SGIP1: variants seen among roughly 807,000 people sequenced by gnomAD.
SGIP1 encodes SH3-containing GRB2-like protein 3-interacting protein 1.
A neutral mutation model predicts 107.5 loss-of-function variants in SGIP1; 38 were observed. The observed-to-expected ratio is 0.35, with a 90% CI of 0.27 to 0.46. SGIP1 has a LOEUF of 0.46. SGIP1 is among the 20% of genes least tolerant of loss of function. The pLI, the probability that SGIP1 is intolerant of heterozygous loss-of-function variation, is 1.00. For synonymous variants in SGIP1, 365 were observed against 366.1 expected (o/e 1.00, Z 0.03); for missense variants, 929 against 1,019.5 (o/e 0.91, Z 1.21).
At chr1:66,707,772 G>A (rs1354460077) in intron 18 of SGIP1, among the ~76,000 whole-genome samples, 2 of 152,128 alleles carry the variant, frequency 1.3e-5, no homozygotes, top group East Asian at 3.9e-4. Context: ...TTTTAAGCCT[G>A]TAGATTAGTG....
intron 1 of SGIP1, among the ~76,000 whole-genome samples, chr1:66,543,694 G>C (rs11208904): frequency 6.6e-6 from 1 of 152,014 alleles, no homozygotes; most frequent in African/African-American, 2.4e-5. Context: ...AGTACAGTGT[G>C]GGGGGAAGGG....
intron 23 of SGIP1, among the ~76,000 whole-genome samples, 169 bp downstream of exon 23, chr1:66,740,891 C>A (rs1342776622): frequency 1.3e-5 from 2 of 152,190 alleles, no homozygotes; most frequent in Admixed American, 6.5e-5. Context: ...TCAATGAATT[C>A]TCTTTTTCCC....
At chr1:66,623,251 T>C (rs1026602800) in intron 1 of SGIP1, among the ~76,000 whole-genome samples, 2 of 152,156 alleles carry the variant, frequency 1.3e-5, no homozygotes, top group African/African-American at 4.8e-5. Flanking sequence ...TAAAAAGTTT[T>C]CAACCTTTTT....
At chr1:66,537,749 A>G (rs1424835245) in intron 1 of SGIP1, among the ~76,000 whole-genome samples, 1 of 152,116 alleles carries the variant, frequency 6.6e-6, no homozygotes, top group Admixed American at 6.5e-5. Flanking sequence ...TTTACTACTC[A>G]TAATAACCTG....
At chr1:66,740,381 G>GTATC (rs1423067365) in intron 22 of SGIP1, among the ~76,000 whole-genome samples, 2 of 152,030 alleles carry the variant, frequency 1.3e-5, no homozygotes, top group Non-Finnish European at 2.9e-5. Flanking sequence ...ATCTTCCCAT[G>GTATC]TATCTGTCTT....
chr1:66,630,904 A>AAGGAAAGAAAGAAGGAAAGAAGGGAGGG (rs1296769118), intron 2 of SGIP1, among the ~76,000 whole-genome samples: 2 of 9,290 alleles, frequency 2.2e-4, no homozygotes, highest in African/African-American at 6.4e-4. Flanking sequence ...AGAAAGAAAG[A>AAGGAAAGAAAGAAGGAAAGAAGGGAGGG]AGGGAGGGAG....
chr1:66,684,333 C>A, intron 15 of SGIP1: 1 of 1,250,762 alleles, frequency 8.0e-7, no homozygotes, highest in East Asian at 2.6e-5. Context: ...CAAAAGTCTT[C>A]TCTCAAAATG....
At chr1:66,565,549 C>T (rs1336193296) in intron 1 of SGIP1, among the ~76,000 whole-genome samples, 1 of 151,760 alleles carries the variant, frequency 6.6e-6, no homozygotes, top group African/African-American at 2.4e-5. Context: ...AACGATGAGG[C>T]AGTAAAAAAA....
intron 18 of SGIP1, among the ~76,000 whole-genome samples, chr1:66,715,473 G>C (rs186439582): frequency 6.6e-6 from 1 of 152,126 alleles, no homozygotes; most frequent in Admixed American, 6.6e-5. Flanking sequence ...GTTGTTGTTG[G>C]GGGGGCGTGG....
At chr1:66,686,303 A>G (rs993130611) in intron 15 of SGIP1, among the ~76,000 whole-genome samples, 1 of 152,192 alleles carries the variant, frequency 6.6e-6, no homozygotes, top group Non-Finnish European at 1.5e-5. Flanking sequence ...GGGGGTTGCC[A>G]AGCACATTGA....
At chr1:66,560,015 C>G (rs1407149170) in intron 1 of SGIP1, among the ~76,000 whole-genome samples, 1 of 151,950 alleles carries the variant, frequency 6.6e-6, no homozygotes, top group African/African-American at 2.4e-5. Context: ...TGGCAAATTA[C>G]CAACATAGTG....
intron 24 of SGIP1, 108 bp from the exon 25 acceptor site, chr1:66,742,965 A>G: frequency 1.9e-6 from 2 of 1,044,942 alleles, no homozygotes; most frequent in South Asian, 1.4e-5. Flanking sequence ...TGAAGTATGC[A>G]GTATCTGGCT....
chr1:66,687,213 AACAGACCT>A (rs1377694530), intron 15 of SGIP1, among the ~76,000 whole-genome samples: 3 of 152,160 alleles, frequency 2.0e-5, no homozygotes, highest in African/African-American at 7.2e-5. Flanking sequence ...ACTTCTTGGA[AACAGACCT>A]ACAGATAGAC....
At chr1:66,617,624 A>T (rs566817274) in intron 1 of SGIP1, among the ~76,000 whole-genome samples, 1 of 152,306 alleles carries the variant, frequency 6.6e-6, no homozygotes, top group South Asian at 2.1e-4. Context: ...AAGTAATTCC[A>T]TTACATGTGA....
chr1:66,659,394 GGGATCAAAGAAGAACT>G (rs2080427154), intron 7 of SGIP1, among the ~76,000 whole-genome samples: 1 of 152,196 alleles, frequency 6.6e-6, no homozygotes. Flanking sequence ...AATTAAGGAT[GGGATCAAAGAAGAACT>G]GACGGCTCTA....
intron 1 of SGIP1, among the ~76,000 whole-genome samples, chr1:66,581,728 C>T (rs2061852408): frequency 6.6e-6 from 1 of 152,064 alleles, no homozygotes; most frequent in African/African-American, 2.4e-5. Context: ...ATTTTGTACT[C>T]CCTGCTGAAG....
intron 2 of SGIP1, 81 bp downstream of exon 2, chr1:66,625,991 A>T: frequency 9.2e-7 from 1 of 1,086,166 alleles, no homozygotes; most frequent in Non-Finnish European, 1.3e-6. Flanking sequence ...TAAGATGGCC[A>T]CAGTTTTCTC....
At chr1:66,742,807 C>A (rs541660433) in intron 24 of SGIP1, among the ~76,000 whole-genome samples, 7 of 152,246 alleles carry the variant, frequency 4.6e-5, no homozygotes, top group Admixed American at 1.3e-4. Flanking sequence ...ATTCTCACAT[C>A]CAGAAATAAA....
chr1:66,597,421 T>A (rs1201892687), intron 1 of SGIP1, among the ~76,000 whole-genome samples: 1 of 152,274 alleles, frequency 6.6e-6, no homozygotes, highest in Admixed American at 6.5e-5. Flanking sequence ...TGTTTTAATA[T>A]GAAACTGTAA....
Sources: allele counts gnomAD v4.1 joint callset (sites outside exome capture counted in the v4.1 genomes callset), GRCh38; gene constraint gnomAD v4.1.1; transcripts MANE v1.5; gene names NCBI Gene and HGNC (gene_info 2026-07-23, HGNC 2026-07-21).